CLEC11A: variants seen among roughly 807,000 people sequenced by gnomAD.
CLEC11A encodes C-type lectin domain containing 11A.
Under a neutral mutation model 33.9 loss-of-function variants are expected in CLEC11A, and 35 were observed. That is an observed-to-expected ratio of 1.03 (90% CI 0.79 to 1.37). The LOEUF is 1.37. CLEC11A is among the 40% of genes most tolerant of loss of function. The pLI, the probability that CLEC11A is intolerant of heterozygous loss-of-function variation, is 0.00. For synonymous variants in CLEC11A, 220 were observed against 202.2 expected, an observed-to-expected ratio of 1.09 and a Z score of -0.75; for missense variants, 519 against 455.5, an observed-to-expected ratio of 1.14 and a Z score of -1.27.
chr19:50,725,556 C>G lies in CLEC11A; in HGVS notation c.*89C>G. ...CCTCCTCCGGAATCTCCCTTCCCTTCCTGGCCACGAATGGCAGCGTCCTCC... is the reference window on the plus strand; with the variant it reads ...CCTCCTCCGGAATCTCCCTTCCCTTGCTGGCCACGAATGGCAGCGTCCTCC... On this transcript the variant is annotated 3_prime_UTR_variant, in exon 4 of 4. Transcript: ENST00000250340. The G allele has an allele frequency of 2.1e-6, 3 of 1,451,496 alleles. No individual in the cohort carries two copies. The South Asian group carries it at 4.4e-5, about 21-fold the overall frequency. The allele number at this position is 1,451,496 out of a possible 1,614,324, so 89.9% of individuals were successfully genotyped here.
Position 50,724,172 on chromosome 19 carries a change from C to T in CLEC11A, c.334+81C>T. 6.3e-7 allele frequency: 1 copy of T among 1,595,946 alleles called. No homozygotes were observed. Among genetic ancestry groups the T allele is most frequent in the Non-Finnish European group, 8.5e-7 (1 of 1,173,244 alleles). On this transcript the variant is annotated intron_variant, in intron 2 of 3. Transcript: ENST00000250340. The surrounding 1 kb of genome is among the most constrained non-coding windows in gnomAD (Gnocchi z 4.1). Reference sequence around the variant, plus strand: ...CAAAAATGAAGGGTCGGTTCACTGCCAAGTGGCCTTTCAGTTGTCCATTGC... The same window carrying T: ...CAAAAATGAAGGGTCGGTTCACTGCTAAGTGGCCTTTCAGTTGTCCATTGC...
At position 50,725,132 on chromosome 19, in the gene CLEC11A, C is replaced by T; in HGVS notation, c.637C>T (p.Gln213Ter). 1.9e-6 allele frequency: 3 copies of T among 1,547,130 alleles called. No homozygotes were observed. The highest frequency in any genetic ancestry group is 2.4e-5 in the East Asian group (1 of 40,874). The change falls in exon 4 of 4, where the codon CAG becomes TAG. Residue 213 changes from glutamine (Q) to a stop codon, truncating the protein, a stop_gained. Coordinates refer to ENST00000250340, the MANE Select transcript of CLEC11A (RefSeq NM_002975.3). LOFTEE classifies it high-confidence loss of function. ...RCTARGGSLA[Q>*]PADRQQMEAL... ...CACGGCGCGGGGCGGGAGCCTGGCG[C>T]AGCCGGCAGACCGCCAGCAGATGGA...
Position 50,725,452 on chromosome 19 carries a change from C to T in CLEC11A, c.957C>T (p.Cys319=). The change falls in exon 4 of 4, where the codon TGC becomes TGT. Residue 319 remains cysteine, a synonymous_variant. Transcript: ENST00000250340. ...GCCAGCGGCGTCTCTACTACGTCTGCGAGTTCCCCTTCTAGCGGGGCCGGT... is the reference window on the plus strand; with the variant it reads ...GCCAGCGGCGTCTCTACTACGTCTGTGAGTTCCCCTTCTAGCGGGGCCGGT... The part of the protein sequence containing the change: ...HDCQRRLYYV[C]EFPF 6.3e-7 allele frequency: 1 copy of T among 1,599,598 alleles called. No individual in the cohort carries two copies. Among genetic ancestry groups the T allele is most frequent in the African/African-American group, 1.3e-5 (1 of 74,566 alleles).
In CLEC11A at chr19:50,725,067, C is replaced by G. The variant is rs2089174505; in HGVS notation, c.572C>G (p.Ser191Trp). ...CTGGGCCACAAGTGCTTCCTGCTCT[C>G]GCGCGACTTCGAAGCTCAGGCGGCG... is the stretch of plus-strand genomic sequence containing the variant. Reference protein sequence around the residue: ...LRLGHKCFLLSRDFEAQAAAQ... With the variant: ...LRLGHKCFLLWRDFEAQAAAQ... Residue 191 changes from serine to tryptophan, a missense_variant, in exon 4 of 4, where the codon TCG becomes TGG. By Grantham distance (177) the Ser-to-Trp change is radical (BLOSUM62 -3). Transcript: ENST00000250340. 2 of 1,519,406 alleles carry G rather than the reference C, an allele frequency of 1.3e-6. No individual in the cohort carries two copies. Among genetic ancestry groups the G allele is most frequent in the South Asian group, 1.3e-5 (1 of 79,596 alleles). 94.1% of individuals were successfully genotyped at this position (1,519,406 alleles called of 1,614,324 possible). A position where few individuals can be genotyped will look rare whatever the true frequency, so the allele number is the denominator to read the frequency against.
rs1247815667 is a variant in CLEC11A, at chr19:50,724,039, A to T, written c.282A>T (p.Pro94=). ...EEEEEEATPT[P]SSGPSPSPTP... is the part of the protein sequence containing the mutation. ...AGGAGGAGGAAGCAACGCCAACCCC[A>T]TCCTCCGGCCCCAGCCCCTCTCCCA... Residue 94 remains proline (P), a synonymous_variant, in exon 2 of 4, where the codon CCA becomes CCT. Transcript: ENST00000250340. This position sits in a 1 kb window ranked among gnomAD's most constrained non-coding sequence, Gnocchi z 4.1. The T allele has an allele frequency of 6.2e-7, 1 of 1,611,546 alleles. No homozygotes were observed. The highest frequency in any genetic ancestry group is 2.2e-5 in the East Asian group (1 of 44,842).
Position 50,723,977 on chromosome 19 carries a change from G to A in CLEC11A, c.220G>A (p.Glu74Lys). 6.2e-7 allele frequency: 1 copy of A among 1,613,744 alleles called. No homozygotes were observed. Among genetic ancestry groups the A allele is most frequent in the Non-Finnish European group, 8.5e-7 (1 of 1,179,860 alleles). ...ENPAGTVEGKEDWEMEEDQGE... is the reference protein window; with the variant it reads ...ENPAGTVEGKKDWEMEEDQGE... ...TCCTGCCGGAACTGTTGAGGGAAAA[G>A]AGGACTGGGAGATGGAGGAGGACCA... is the stretch of plus-strand genomic sequence containing the variant. Residue 74 changes from glutamate (E) to lysine (K), a missense_variant, in exon 2 of 4, where the codon GAG becomes AAG. Transcript: ENST00000250340. This position sits in a 1 kb window ranked among gnomAD's most constrained non-coding sequence, Gnocchi z 4.1.
At position 50,723,389 on chromosome 19, in the gene CLEC11A, GAGAAGC is replaced by G; in HGVS notation, c.-136_-131del. 1.2e-6 allele frequency: 1 copy of G among 821,502 alleles called. No individual in the cohort carries two copies. Among genetic ancestry groups the G allele is most frequent in the Admixed American group, 2.1e-5 (1 of 48,534 alleles). 50.9% of individuals were successfully genotyped at this position (821,502 alleles called of 1,614,324 possible). A position where few individuals can be genotyped will look rare whatever the true frequency, so the allele number is the denominator to read the frequency against. On this transcript the variant is annotated 5_prime_UTR_variant, in exon 1 of 4. Coordinates refer to ENST00000250340, the MANE Select transcript of CLEC11A (RefSeq NM_002975.3). The surrounding 1 kb of genome is among the most constrained non-coding windows in gnomAD (Gnocchi z 4.1). ...AGAGACGAGGAGAGGAACAGGAAGA[GAGAAGC>G]TGGGAGAATCGGGAACCTGGGGGCT...
rs1568449784 is a variant in CLEC11A, at chr19:50,724,376, C to T, written c.335-34C>T. On this transcript the variant is annotated intron_variant, in intron 2 of 3. Transcript: ENST00000250340. This position sits in a 1 kb window ranked among gnomAD's most constrained non-coding sequence, Gnocchi z 4.1. Reference sequence around the variant, plus strand: ...TCAGGCCCCCCGCTGCATCTCCAGGCTCCCCCTCCAGCATGATCCCTGTCT... The same window carrying T: ...TCAGGCCCCCCGCTGCATCTCCAGGTTCCCCCTCCAGCATGATCCCTGTCT... 1.4e-6 allele frequency: 2 copies of T among 1,468,742 alleles called. No individual in the cohort carries two copies. The highest frequency in any genetic ancestry group is 2.5e-5 in the East Asian group (1 of 39,884). 91.0% of individuals were successfully genotyped at this position (1,468,742 alleles called of 1,614,324 possible).
rs576059532 is a variant in CLEC11A at position 50,723,896 on chromosome 19, C to T, written c.148-9C>T. ...CAGGCTGGGGCTCACCACCCCTCCC[C>T]TGCCCCAGCATCTGCAGGAAGCCCT... On this transcript the variant is annotated splice_polypyrimidine_tract_variant and intron_variant, in intron 1 of 3. Transcript: ENST00000250340. This position sits in a 1 kb window ranked among gnomAD's most constrained non-coding sequence, Gnocchi z 4.1. The T allele has an allele frequency of 3.1e-5, 50 of 1,603,236 alleles. No individual in the cohort carries two copies. The highest frequency in any genetic ancestry group is 2.8e-4 in the Admixed American group (16 of 57,846).
Position 50,724,734 on chromosome 19 carries a change from A to G in CLEC11A, c.526+133A>G. On this transcript the variant is annotated intron_variant, in intron 3 of 3. Coordinates refer to ENST00000250340, the MANE Select transcript of CLEC11A (RefSeq NM_002975.3). This position sits in a 1 kb window ranked among gnomAD's most constrained non-coding sequence, Gnocchi z 4.1. ...CTGCTGTGTGCTAGCGGACGGGGTT[A>G]GAGAGCTGGGAGGCTGAATGCAGGG... is the stretch of plus-strand genomic sequence containing the variant. 8.3e-7 allele frequency: 1 copy of G among 1,201,682 alleles called. No homozygotes were observed. Among genetic ancestry groups the G allele is most frequent in the Non-Finnish European group, 1.1e-6 (1 of 912,294 alleles). 74.4% of individuals were successfully genotyped at this position (1,201,682 alleles called of 1,614,324 possible). A position where few individuals can be genotyped will look rare whatever the true frequency, so the allele number is the denominator to read the frequency against.
At position 50,724,993 on chromosome 19, in the gene CLEC11A, C is replaced by T; in HGVS notation, c.527-29C>T. ...TCCAGACTCTGAATGCATGACCCCGCCTCCTTCTCTACCCGGCCCCGCCCA... is the reference window on the plus strand; with the variant it reads ...TCCAGACTCTGAATGCATGACCCCGTCTCCTTCTCTACCCGGCCCCGCCCA... On this transcript the variant is annotated intron_variant, in intron 3 of 3. Coordinates refer to ENST00000250340, the MANE Select transcript of CLEC11A (RefSeq NM_002975.3). This position sits in a 1 kb window ranked among gnomAD's most constrained non-coding sequence, Gnocchi z 4.1. The T allele has an allele frequency of 6.9e-7, 1 of 1,450,974 alleles. No individual in the cohort carries two copies. Among genetic ancestry groups the T allele is most frequent in the Non-Finnish European group, 9.0e-7 (1 of 1,105,674 alleles). 89.9% of individuals were successfully genotyped at this position (1,450,974 alleles called of 1,614,324 possible). A position where few individuals can be genotyped will look rare whatever the true frequency, so the allele number is the denominator to read the frequency against.
chr19:50,723,550 G>A lies in CLEC11A; in HGVS notation c.25G>A (p.Ala9Thr), dbSNP rs749436329. MQAAWLLG[A>T]LVVPQLLGFG... ...AATGCAGGCAGCCTGGCTTTTGGGG[G>A]CTTTGGTGGTCCCCCAGCTCTTGGG... The change falls in exon 1 of 4, where the codon GCT becomes ACT. Residue 9 changes from alanine to threonine, a missense_variant. Transcript: ENST00000250340. This position sits in a 1 kb window ranked among gnomAD's most constrained non-coding sequence, Gnocchi z 4.1. 1.2e-5 allele frequency: 19 copies of A among 1,612,466 alleles called. No individual in the cohort carries two copies. Among genetic ancestry groups the A allele is most frequent in the Non-Finnish European group, 1.6e-5 (19 of 1,179,994 alleles).
chr19:50,725,303 C>T lies in CLEC11A; in HGVS notation c.808C>T (p.Pro270Ser). 2.5e-6 allele frequency: 4 copies of T among 1,612,080 alleles called. No individual in the cohort carries two copies. Among genetic ancestry groups the T allele is most frequent in the South Asian group, 1.1e-5 (1 of 90,998 alleles). The change falls in exon 4 of 4, where the codon CCC becomes TCC. Residue 270 changes from proline (P) to serine (S), a missense_variant. Transcript: ENST00000250340. ...CTTCGCCTGGCATCGCTCACCCCGCCCCGAGCTCGGCGCCCAGCCCAGCGC... is the reference window on the plus strand; with the variant it reads ...CTTCGCCTGGCATCGCTCACCCCGCTCCGAGCTCGGCGCCCAGCCCAGCGC... ...SFFAWHRSPR[P>S]ELGAQPSASP...
rs368757096 is a variant in CLEC11A, at chr19:50,725,331, C to T, written c.836C>T (p.Ser279Leu). 1 of 1,612,078 alleles carries T rather than the reference C, an allele frequency of 6.2e-7. No individual in the cohort carries two copies. Among genetic ancestry groups the T allele is most frequent in the African/African-American group, 1.3e-5 (1 of 75,044 alleles). ...GAGCTCGGCGCCCAGCCCAGCGCCT[C>T]GCCGCATCCGCTCAGCCCGGACCAG... is the stretch of plus-strand genomic sequence containing the variant. ...RPELGAQPSA[S>L]PHPLSPDQPN... Residue 279 changes from serine (S) to leucine (L), a missense_variant, in exon 4 of 4, where the codon TCG (serine) becomes TTG (leucine). Transcript: ENST00000250340.
In CLEC11A at chr19:50,725,087, G is replaced by A. The variant is rs748078016; in HGVS notation, c.592G>A (p.Ala198Thr). The change falls in exon 4 of 4, where the codon GCG becomes ACG. Residue 198 changes from alanine (A) to threonine (T), a missense_variant. Transcript: ENST00000250340. Reference protein sequence around the residue: ...FLLSRDFEAQAAAQARCTARG... With the variant: ...FLLSRDFEAQTAAQARCTARG... ...GCTCTCGCGCGACTTCGAAGCTCAG[G>A]CGGCGGCGCAGGCGCGGTGCACGGC... 1 of 1,522,104 alleles carries A rather than the reference G, an allele frequency of 6.6e-7. No individual in the cohort carries two copies. The highest frequency in any genetic ancestry group is 1.2e-5 in the South Asian group (1 of 80,294). The allele number at this position is 1,522,104 out of a possible 1,614,324, so 94.3% of individuals were successfully genotyped here. A position where few individuals can be genotyped will look rare whatever the true frequency, so the allele number is the denominator to read the frequency against.
In CLEC11A at chr19:50,724,088, A is replaced by C; in HGVS notation, c.331A>C (p.Ile111Leu). The C allele has an allele frequency of 6.2e-7, 1 of 1,612,126 alleles. No individual in the cohort carries two copies. The highest frequency in any genetic ancestry group is 2.2e-5 in the East Asian group (1 of 44,836). ...CACCCCTGAGGACATCGTCACTTACATCCGTGAGTAACCAGAAGCCCTCAC... is the reference window on the plus strand; with the variant it reads ...CACCCCTGAGGACATCGTCACTTACCTCCGTGAGTAACCAGAAGCCCTCAC... ...SPTPEDIVTY[I>L]LGRLAGLDAG... is the part of the protein sequence containing the mutation. The change falls in exon 2 of 4, where the codon ATC becomes CTC. Residue 111 changes from isoleucine to leucine, a missense_variant. Transcript: ENST00000250340. The surrounding 1 kb of genome is among the most constrained non-coding windows in gnomAD (Gnocchi z 4.1).
At position 50,724,295 on chromosome 19, in the gene CLEC11A, G is replaced by GCCCCCCCCCCCCCCCCCCCC; in HGVS notation, c.335-107_335-106insCCCCCCCCCCCCCCCCCCCC. The GCCCCCCCCCCCCCCCCCCCC allele has an allele frequency of 8.8e-7, 1 of 1,130,920 alleles. No individual in the cohort carries two copies. Among genetic ancestry groups the GCCCCCCCCCCCCCCCCCCCC allele is most frequent in the Non-Finnish European group, 1.2e-6 (1 of 830,040 alleles). 70.1% of individuals were successfully genotyped at this position (1,130,920 alleles called of 1,614,324 possible). A position where few individuals can be genotyped will look rare whatever the true frequency, so the allele number is the denominator to read the frequency against. ...ACCCTACCTTCCAGGAGTCCGGGGT[G>GCCCCCCCCCCCCCCCCCCCC]CCCCCCCCACCGCCACCCCGCCCTC... On this transcript the variant is annotated intron_variant, in intron 2 of 3. Transcript: ENST00000250340. The surrounding 1 kb of genome is among the most constrained non-coding windows in gnomAD (Gnocchi z 4.1).
Position 50,723,381 on chromosome 19 carries a change from C to A in CLEC11A, c.-145C>A, listed in dbSNP as rs1268326970. 2.6e-6 allele frequency: 2 copies of A among 782,088 alleles called. No individual in the cohort carries two copies. Among genetic ancestry groups the A allele is most frequent in the Non-Finnish European group, 4.3e-6 (2 of 467,064 alleles). The allele number at this position is 782,088 out of a possible 1,614,324, so 48.4% of individuals were successfully genotyped here. ...GACCGGACAGAGACGAGGAGAGGAA[C>A]AGGAAGAGAGAAGCTGGGAGAATCG... is the stretch of plus-strand genomic sequence containing the variant. On this transcript the variant is annotated 5_prime_UTR_variant, in exon 1 of 4. Coordinates refer to ENST00000250340, the MANE Select transcript of CLEC11A (RefSeq NM_002975.3). The surrounding 1 kb of genome is among the most constrained non-coding windows in gnomAD (Gnocchi z 4.1).
chr19:50,725,134 G>T lies in CLEC11A; in HGVS notation c.639G>T (p.Gln213His), dbSNP rs984419650. 1.3e-6 allele frequency: 2 copies of T among 1,548,368 alleles called. No homozygotes were observed. The highest frequency in any genetic ancestry group is 1.4e-5 in the African/African-American group (1 of 72,928). Residue 213 changes from glutamine (Q) to histidine (H), a missense_variant, in exon 4 of 4, where the codon CAG (glutamine) becomes CAT (histidine). Coordinates refer to ENST00000250340, the MANE Select transcript of CLEC11A (RefSeq NM_002975.3). ...RCTARGGSLA[Q>H]PADRQQMEAL... The stretch of plus-strand genomic sequence containing the variant: ...CGGCGCGGGGCGGGAGCCTGGCGCA[G>T]CCGGCAGACCGCCAGCAGATGGAGG...
Sources: allele counts gnomAD v4.1 joint callset, GRCh38; gene constraint gnomAD v4.1.1; non-coding constraint Gnocchi (gnomAD v3.1); transcripts MANE v1.5; gene names NCBI Gene and HGNC (gene_info 2026-07-23, HGNC 2026-07-21).